Variants in TEX15 observed in about 807,000 individuals in gnomAD.
The protein encoded by TEX15 is testis-expressed protein 15.
In TEX15, 171 loss-of-function variants were observed where a neutral mutation model predicts 237.3. The observed-to-expected ratio is 0.72, with a 90% CI of 0.64 to 0.82. The LOEUF (loss-of-function observed/expected upper bound fraction) is 0.82. Ranked by LOEUF, TEX15 falls within the 40% of genes least tolerant of loss-of-function variation. TEX15 has a pLI of 0.00. For synonymous variants in TEX15, 1,338 were observed against 1,269.8 expected, an observed-to-expected ratio of 1.05 and a Z score of -1.14; for missense variants, 3,750 against 3,646.5, an observed-to-expected ratio of 1.03 and a Z score of -0.73.
At chr8:30,882,611 G>C (rs1808554747) in intron 3 of TEX15, among the ~76,000 whole-genome samples, 1 of 152,048 alleles carries the variant, frequency 6.6e-6, no homozygotes, top group Admixed American at 6.6e-5. Flanking sequence ...ATGTTGACAT[G>C]TATCTCATGG....
Position 30,859,976 on chromosome 8 carries a change from A to C in TEX15, c.622T>G (p.Cys208Gly). The change falls in exon 6 of 11, where the codon TGC (cysteine) becomes GGC (glycine). Residue 208 changes from cysteine to glycine, a missense_variant. Physicochemically the swap from Cys to Gly is radical, Grantham distance 159. Coordinates refer to ENST00000643185, the MANE Select transcript of TEX15 (RefSeq NM_001350162.2). ...VSLDPSPNFD[C>G]HMSRNAPSLK... is the part of the protein sequence containing the mutation. ...GAAGGTGCATTTCTTGACATATGGCAATCAAAGTTAGGAGAAGGATCCAAA... is the reference window on the plus strand; with the variant it reads ...GAAGGTGCATTTCTTGACATATGGCCATCAAAGTTAGGAGAAGGATCCAAA... The C allele has an allele frequency of 1.3e-6, 2 of 1,521,162 alleles. No individual in the cohort carries two copies. The highest frequency in any genetic ancestry group is 2.5e-5 in the East Asian group (1 of 40,498). 94.2% of individuals were successfully genotyped at this position (1,521,162 alleles called of 1,614,324 possible).
chr8:30,902,957 C>T (rs957220109), intron 1 of TEX15, among the ~76,000 whole-genome samples: 9 of 152,158 alleles, frequency 5.9e-5, no homozygotes, highest in African/African-American at 1.9e-4. Flanking sequence ...TTGTCTGTTG[C>T]CCCTCAGGGA....
intron 3 of TEX15, among the ~76,000 whole-genome samples, chr8:30,884,633 T>G (rs1233565935): frequency 6.6e-6 from 1 of 152,194 alleles, no homozygotes; most frequent in Non-Finnish European, 1.5e-5. Context: ...GAGTTGTTCA[T>G]AGTATCCCTT....
In TEX15 at chr8:30,833,032, C is replaced by A; in HGVS notation, c.*254G>T. 1 of 303,320 alleles carries A rather than the reference C, an allele frequency of 3.3e-6. No homozygotes were observed. The highest frequency in any genetic ancestry group is 6.1e-6 in the Non-Finnish European group (1 of 165,054). 18.8% of individuals were successfully genotyped at this position (303,320 alleles called of 1,614,324 possible). On this transcript the variant is annotated 3_prime_UTR_variant, in exon 11 of 11. Transcript: ENST00000643185. ...AAGAATCTAGTTTTAAAGATTTTACCACTATTGCTTAACTTTGATCATATT... is the reference window on the plus strand; with the variant it reads ...AAGAATCTAGTTTTAAAGATTTTACAACTATTGCTTAACTTTGATCATATT...
intron 5 of TEX15, among the ~76,000 whole-genome samples, chr8:30,865,142 A>G (rs1434940862): frequency 6.6e-6 from 1 of 152,140 alleles, no homozygotes; most frequent in African/African-American, 2.4e-5. Context: ...GAAACATTAT[A>G]ACTGAAACCA....
At chr8:30,857,271 A>T (rs1004745520) in intron 7 of TEX15, among the ~76,000 whole-genome samples, 11 of 152,210 alleles carry the variant, frequency 7.2e-5, no homozygotes, top group African/African-American at 2.7e-4. Flanking sequence ...ACTTTAAAAG[A>T]ATCCTATCGC....
At chr8:30,885,691 T>C (rs1001397047) in intron 3 of TEX15, among the ~76,000 whole-genome samples, 2 of 152,210 alleles carry the variant, frequency 1.3e-5, no homozygotes, top group African/African-American at 2.4e-5. Context: ...CGTGCTACTG[T>C]TGAATGGAAT....
chr8:30,880,903 A>C (rs1409095955), intron 3 of TEX15, among the ~76,000 whole-genome samples: 1 of 151,578 alleles, frequency 6.6e-6, no homozygotes, highest in Non-Finnish European at 1.5e-5. Flanking sequence ...TGCTGAACTT[A>C]CTAGTTCCAA....
chr8:30,886,068 C>T (rs987217675), intron 3 of TEX15, among the ~76,000 whole-genome samples: 5 of 152,244 alleles, frequency 3.3e-5, no homozygotes, highest in African/African-American at 4.8e-5. Context: ...TTGATGTTGG[C>T]ATCTATTATC....
chr8:30,871,559 C>G (rs1429685965), intron 4 of TEX15, among the ~76,000 whole-genome samples: 2 of 152,036 alleles, frequency 1.3e-5, no homozygotes, highest in African/African-American at 2.4e-5. Context: ...ACTCATAAAG[C>G]AAGGGGAATT....
At position 30,845,436 on chromosome 8, in the gene TEX15, T is replaced by C. The variant is rs2128767704; in HGVS notation, c.4731A>G (p.Ala1577=). The C allele has an allele frequency of 6.2e-7, 1 of 1,612,728 alleles. No individual in the cohort carries two copies. Among genetic ancestry groups the C allele is most frequent in the Non-Finnish European group, 8.5e-7 (1 of 1,179,278 alleles). Residue 1577 remains alanine, a synonymous_variant, in exon 8 of 11, where the codon GCA becomes GCG. Transcript: ENST00000643185. ...LIEKENQIDT[A]FLSSTSKYEK... ...CATATTTACTAGTGCTAGATAAAAA[T>C]GCTGTATCAATTTGATTTTCTTTTT...
intron 9 of TEX15, among the ~76,000 whole-genome samples, chr8:30,838,453 T>C (rs1055153442): frequency 6.6e-6 from 1 of 152,060 alleles, no homozygotes; most frequent in Non-Finnish European, 1.5e-5. Flanking sequence ...ACTGGTAAAC[T>C]ACCAGCTGTA....
chr8:30,838,733 CAT>C (rs1230281237), intron 9 of TEX15, among the ~76,000 whole-genome samples: 4 of 142,794 alleles, frequency 2.8e-5, no homozygotes, highest in Non-Finnish European at 6.1e-5. Context: ...TACACACACA[CAT>C]ACACACATAT....
In TEX15 at chr8:30,909,058, TTA is replaced by T. The variant is rs149160358; in HGVS notation, c.-86+3819_-86+3820del. Among the ~76,000 whole-genome samples the T allele has an allele frequency of 2.8e-3, 429 of 152,306 alleles. 9 individuals carry two copies. In the East Asian group the frequency reaches 0.052, roughly 18 times the overall value. ...TTAAACACATAAAAGAAATGAAGTT[TTA>T]TCTTTATTGGCAAAGTTTCCCCCCT... is the stretch of plus-strand genomic sequence containing the variant. On this transcript the variant is annotated intron_variant, in intron 1 of 10. Transcript: ENST00000643185.
chr8:30,891,721 G>A (rs1375436944), intron 2 of TEX15, among the ~76,000 whole-genome samples: 3 of 152,070 alleles, frequency 2.0e-5, no homozygotes, highest in African/African-American at 4.8e-5. Flanking sequence ...TGATCTGCCC[G>A]CCTCAGCCTC....
chr8:30,859,938 G>A lies in TEX15; in HGVS notation c.660C>T (p.Thr220=). 6.6e-7 allele frequency: 1 copy of A among 1,504,710 alleles called. No individual in the cohort carries two copies. Among genetic ancestry groups the A allele is most frequent in the Non-Finnish European group, 8.8e-7 (1 of 1,136,378 alleles). The allele number at this position is 1,504,710 out of a possible 1,614,324, so 93.2% of individuals were successfully genotyped here. Residue 220 remains threonine (T), a synonymous_variant, in exon 6 of 11, where the codon ACC becomes ACT. Coordinates refer to ENST00000643185, the MANE Select transcript of TEX15 (RefSeq NM_001350162.2). ...MSRNAPSLKD[T]IELQAYSSAV... Reference sequence around the variant, plus strand: ...CTGAACTGTAGGCTTGCAGTTCAATGGTATCTTTCAAAGAAGGTGCATTTC... The same window carrying A: ...CTGAACTGTAGGCTTGCAGTTCAATAGTATCTTTCAAAGAAGGTGCATTTC...
chr8:30,839,104 C>G (rs968606730), intron 9 of TEX15, among the ~76,000 whole-genome samples: 1 of 152,194 alleles, frequency 6.6e-6, no homozygotes, highest in East Asian at 1.9e-4. Flanking sequence ...GCATGAGCCA[C>G]CACACCCAGC....
In TEX15 at chr8:30,842,023, G is replaced by C. The variant is rs1383426453; in HGVS notation, c.8144C>G (p.Ser2715Cys). ...ACATACCTTTAGCTTTTTACAACTGGAAACAGTAGTATCTTGCTGTTGTTC... is the reference window on the plus strand; with the variant it reads ...ACATACCTTTAGCTTTTTACAACTGCAAACAGTAGTATCTTGCTGTTGTTC... Reference protein sequence around the residue: ...SQEQQQDTTVSSCKKLKVDMK... With the variant: ...SQEQQQDTTVCSCKKLKVDMK... Residue 2715 changes from serine (S) to cysteine (C), a missense_variant, in exon 8 of 11, where the codon TCC (serine) becomes TGC (cysteine). Transcript: ENST00000643185. The C allele has an allele frequency of 6.3e-7, 1 of 1,582,406 alleles. No individual in the cohort carries two copies. The highest frequency in any genetic ancestry group is 1.4e-5 in the African/African-American group (1 of 73,042).
chr8:30,858,761 C>A lies in TEX15; in HGVS notation c.757G>T (p.Val253Leu), dbSNP rs1454149073. The change falls in exon 7 of 11, where the codon GTA (valine) becomes TTA (leucine). Residue 253 changes from valine to leucine, a missense_variant. Coordinates refer to ENST00000643185, the MANE Select transcript of TEX15 (RefSeq NM_001350162.2). ...GAACCAAGAAATTTTACTGTTACTACAGCATATGGAAGACATTGCCTAGGT... is the reference window on the plus strand; with the variant it reads ...GAACCAAGAAATTTTACTGTTACTAAAGCATATGGAAGACATTGCCTAGGT... ...DKPRQCLPYA[V>L]VTVKFLGSKV... is the part of the protein sequence containing the mutation. 2 of 1,535,446 alleles carry A rather than the reference C, an allele frequency of 1.3e-6. No individual in the cohort carries two copies. The highest frequency in any genetic ancestry group is 3.9e-5 in the Admixed American group (2 of 50,974).
Sources: gnomAD v4.1 joint callset for allele counts (sites outside exome capture counted in the v4.1 genomes callset) on GRCh38, gnomAD v4.1.1 for gene constraint, MANE v1.5 for transcripts, NCBI Gene and HGNC (gene_info 2026-07-23, HGNC 2026-07-21) for gene names.